Variants in FRAS1 observed in about 807,000 individuals in gnomAD.
FRAS1 encodes extracellular matrix organizing protein FRAS1.
Under a neutral mutation model 435.2 loss-of-function variants are expected in FRAS1, and 290 were observed. That is an observed-to-expected ratio of 0.67 (90% CI 0.61 to 0.73). The LOEUF is 0.73. Ranked by LOEUF, FRAS1 falls within the 30% of genes least tolerant of loss-of-function variation. The pLI, the probability that FRAS1 is intolerant of heterozygous loss-of-function variation, is 0.00. For missense variants in FRAS1, 4,860 were observed against 5,001.5 expected (o/e 0.97, Z 0.85); for synonymous variants, 1,800 against 1,851.0 (o/e 0.97, Z 0.71).
In FRAS1 at chr4:78,429,198, G is replaced by A. The variant is rs201188262; in HGVS notation, c.4815G>A (p.Ala1605=). ...PVFQVTAPRL[A]VSPGGSTSVG... ...TCCAGGTCACAGCTCCACGGCTGGC[G>A]GTCAGCCCAGGAGGCAGCACTTCTG... Residue 1605 remains alanine, a synonymous_variant, in exon 36 of 74, where the codon GCG becomes GCA. Transcript: ENST00000512123. 1.8e-3 allele frequency: 2,893 copies of A among 1,606,796 alleles called. 6 individuals are homozygous for A. The highest frequency in any genetic ancestry group is 2.3e-3 in the Non-Finnish European group (2,734 of 1,177,038).
chr4:78,479,716 C>T lies in FRAS1; in HGVS notation c.8441C>T (p.Ala2814Val), dbSNP rs886059636. The T allele has an allele frequency of 6.3e-7, 1 of 1,575,098 alleles. No individual in the cohort carries two copies. The highest frequency in any genetic ancestry group is 8.6e-7 in the Non-Finnish European group (1 of 1,157,486). ...GNTAFTVSEDAGTVKIPVIRH... is the reference protein window; with the variant it reads ...GNTAFTVSEDVGTVKIPVIRH... ...ACGGCTTTCACTGTCAGTGAGGACG[C>T]AGGTAATGGAGAGTGTCTCTGAGTT... Residue 2814 changes from alanine (A) to valine (V), a missense_variant and splice_region_variant, in exon 56 of 74, where the codon GCA becomes GTA. Ala to Val is a moderately conservative substitution (Grantham distance 64, BLOSUM62 0). Coordinates refer to ENST00000512123, the MANE Select transcript of FRAS1 (RefSeq NM_025074.7).
chr4:78,484,576 C>T (rs1014327223), intron 58 of FRAS1, among the ~76,000 whole-genome samples: 1 of 152,134 alleles, frequency 6.6e-6, no homozygotes, highest in Non-Finnish European at 1.5e-5. Context: ...TATTTTCCTA[C>T]AGAAGTTTTA....
intron 9 of FRAS1, among the ~76,000 whole-genome samples, chr4:78,276,532 C>G (rs1727047089): frequency 6.6e-6 from 1 of 152,212 alleles, no homozygotes; most frequent in Non-Finnish European, 1.5e-5. Context: ...TTCCTTCTAA[C>G]AGTCAGGACC....
chr4:78,525,805 C>T lies in FRAS1; in HGVS notation c.10809-736C>T, dbSNP rs142731454. 2.6e-3 allele frequency among the ~76,000 whole-genome samples: 393 copies of T among 152,282 alleles called. 1 individual carries two copies. The highest frequency in any genetic ancestry group is 8.8e-3 in the African/African-American group (364 of 41,572). The stretch of plus-strand genomic sequence containing the variant: ...GCCACCCAGTGAGAAGTGTGGGAGA[C>T]GAAATAGGAGAGAGGTCCAAAGGCT... On this transcript the variant is annotated intron_variant, in intron 69 of 73. Transcript: ENST00000512123.
chr4:78,439,057 T>G lies in FRAS1; in HGVS notation c.5522T>G (p.Leu1841Arg). 6.2e-7 allele frequency: 1 copy of G among 1,612,274 alleles called. No individual in the cohort carries two copies. The highest frequency in any genetic ancestry group is 2.2e-5 in the East Asian group (1 of 44,862). ...NPPPVIAFAD[L>R]ITVDEGGRAP... ...CCTCCAGTCATTGCTTTTGCTGACC[T>G]TATCACGGTAAACAATTCTCAGATC... is the stretch of plus-strand genomic sequence containing the variant. The change falls in exon 40 of 74, where the codon CTT becomes CGT. Residue 1841 changes from leucine (L) to arginine (R), a missense_variant. Leu to Arg is a moderately radical substitution (Grantham distance 102). Coordinates refer to ENST00000512123, the MANE Select transcript of FRAS1 (RefSeq NM_025074.7).
intron 18 of FRAS1, among the ~76,000 whole-genome samples, 159 bp downstream of exon 18, chr4:78,319,145 C>T (rs1729398127): frequency 6.6e-6 from 1 of 152,162 alleles, no homozygotes; most frequent in Non-Finnish European, 1.5e-5. Context: ...AGAGTAGCCC[C>T]CACCAATAGC....
At chr4:78,473,922 C>A (rs904138811) in intron 53 of FRAS1, among the ~76,000 whole-genome samples, 2 of 152,110 alleles carry the variant, frequency 1.3e-5, no homozygotes, top group African/African-American at 4.8e-5. Context: ...AGAAGTAAGA[C>A]CAGGATGTAA....
At chr4:78,491,688 C>T (rs184616424) in intron 59 of FRAS1, among the ~76,000 whole-genome samples, 1 of 152,282 alleles carries the variant, frequency 6.6e-6, no homozygotes, top group Admixed American at 6.5e-5. Flanking sequence ...AAACCCACAG[C>T]CAATATCATA....
chr4:78,376,584 T>G (rs1452632344), intron 26 of FRAS1, among the ~76,000 whole-genome samples: 1 of 152,298 alleles, frequency 6.6e-6, no homozygotes, highest in African/African-American at 2.4e-5. Flanking sequence ...ACACCCTTTT[T>G]CACACAGTAG....
chr4:78,466,076 T>C (rs1719516695), intron 49 of FRAS1, 132 bp from the exon 50 acceptor site: 1 of 662,816 alleles, frequency 1.5e-6, no homozygotes, highest in Non-Finnish European at 2.6e-6. Context: ...TTGGTGTCTA[T>C]AAAGAAAATA....
At chr4:78,303,411 T>G (rs1728527778) in intron 14 of FRAS1, among the ~76,000 whole-genome samples, 1 of 152,204 alleles carries the variant, frequency 6.6e-6, no homozygotes, top group Admixed American at 6.5e-5. Flanking sequence ...ATTGGTAGCT[T>G]GATGGGGATG....
chr4:78,267,038 T>A (rs1726392807), intron 8 of FRAS1, 103 bp downstream of exon 8: 1 of 969,716 alleles, frequency 1.0e-6, no homozygotes, highest in East Asian at 2.6e-5. Flanking sequence ...AAAAGTTTTA[T>A]AATGTTTGCA....
At chr4:78,507,181 A>AT (rs145657808) in intron 61 of FRAS1, among the ~76,000 whole-genome samples, 3,668 of 152,302 alleles carry the variant, frequency 0.024, 142 homozygotes, top group African/African-American at 0.084. Flanking sequence ...ATTAATCCTC[A>AT]TATGGTGTTG....
At chr4:78,114,577 T>C (rs1297983804) in intron 2 of FRAS1, among the ~76,000 whole-genome samples, 1 of 152,150 alleles carries the variant, frequency 6.6e-6, no homozygotes, top group African/African-American at 2.4e-5. Flanking sequence ...GGTATTTTAT[T>C]CTCTCTGAAG....
In FRAS1 at chr4:78,432,577, A is replaced by G. The variant is rs1407813828; in HGVS notation, c.5190A>G (p.Ile1730Met). The change falls in exon 38 of 74, where the codon ATA becomes ATG. Residue 1730 changes from isoleucine (I) to methionine (M), a missense_variant. Ile to Met is a conservative substitution (Grantham distance 10). Transcript: ENST00000512123. ...CTGTTGCCAGTAAAAGCACAGCCAT[A>G]ATCACTAGGTCACACCTTGCTTACG... ...SITVASKSTA[I>M]ITRSHLAYVD... The G allele has an allele frequency of 1.9e-6, 3 of 1,606,092 alleles. No homozygotes were observed. The highest frequency in any genetic ancestry group is 2.6e-6 in the Non-Finnish European group (3 of 1,175,400).
intron 2 of FRAS1, among the ~76,000 whole-genome samples, chr4:78,234,281 A>G (rs1394492615): frequency 6.6e-6 from 1 of 151,986 alleles, no homozygotes; most frequent in Non-Finnish European, 1.5e-5. Flanking sequence ...GCTGGAGTGC[A>G]GTGGCGCGAT....
At chr4:78,269,606 A>G (rs368245634) in intron 9 of FRAS1, among the ~76,000 whole-genome samples, 23 of 152,320 alleles carry the variant, frequency 1.5e-4, no homozygotes, top group Middle Eastern at 3.4e-3. Context: ...TAAAATCAGC[A>G]TACAGTTTTT....
intron 15 of FRAS1, among the ~76,000 whole-genome samples, chr4:78,310,742 C>G (rs1728982454): frequency 6.6e-6 from 1 of 152,190 alleles, no homozygotes; most frequent in African/African-American, 2.4e-5. Context: ...CAACAGTGAA[C>G]CAACTCACTG....
chr4:78,184,162 A>G (rs1318833859), intron 2 of FRAS1, among the ~76,000 whole-genome samples: 1 of 152,204 alleles, frequency 6.6e-6, no homozygotes, highest in Non-Finnish European at 1.5e-5. Flanking sequence ...GCCGTGAAGT[A>G]CAGGTAATTA....
Sources: allele counts gnomAD v4.1 joint callset (sites outside exome capture counted in the v4.1 genomes callset), GRCh38; gene constraint gnomAD v4.1.1; transcripts MANE v1.5; gene names NCBI Gene and HGNC (gene_info 2026-07-23, HGNC 2026-07-21).